RPRD2: variants seen among roughly 807,000 people sequenced by gnomAD.
The protein encoded by RPRD2 is regulation of nuclear pre-mRNA domain containing 2.
Under a neutral mutation model 104.4 loss-of-function variants are expected in RPRD2, and 12 were observed. That is an observed-to-expected ratio of 0.11 (90% CI 0.07 to 0.19). The LOEUF is 0.19. Ranked by LOEUF, RPRD2 falls within the 10% of genes least tolerant of loss-of-function variation. The pLI, the probability that RPRD2 is intolerant of heterozygous loss-of-function variation, is 1.00. For missense variants in RPRD2, 1,543 were observed against 1,790.1 expected, an observed-to-expected ratio of 0.86 and a Z score of 2.49; for synonymous variants, 714 against 684.9, an observed-to-expected ratio of 1.04 and a Z score of -0.66.
intron 2 of RPRD2, among the ~76,000 whole-genome samples, chr1:150,435,166 G>T (rs1427738475): frequency 6.6e-6 from 1 of 152,162 alleles, no homozygotes; most frequent in Non-Finnish European, 1.5e-5. Flanking sequence ...CTTCGTCCAT[G>T]TAAGACCGTG....
chr1:150,377,774 A>G (rs1660834433), intron 1 of RPRD2, among the ~76,000 whole-genome samples: 1 of 152,120 alleles, frequency 6.6e-6, no homozygotes, highest in Admixed American at 6.6e-5. Context: ...TCATACATGT[A>G]TTACCTATAA....
intron 1 of RPRD2, among the ~76,000 whole-genome samples, chr1:150,372,360 C>T (rs1660375600): frequency 6.6e-6 from 1 of 152,048 alleles, no homozygotes; most frequent in Non-Finnish European, 1.5e-5. Context: ...CTTGGTGGTG[C>T]ACACCTGTGG....
At chr1:150,374,432 A>T (rs1660552662) in intron 1 of RPRD2, among the ~76,000 whole-genome samples, 1 of 152,170 alleles carries the variant, frequency 6.6e-6, no homozygotes, top group African/African-American at 2.4e-5. Context: ...TGAGCTGCTC[A>T]AGCAAATTAA....
intron 7 of RPRD2, among the ~76,000 whole-genome samples, chr1:150,448,237 G>C (rs1037022096): frequency 6.6e-6 from 1 of 151,888 alleles, no homozygotes; most frequent in African/African-American, 2.4e-5. Flanking sequence ...GCGCACTCTT[G>C]GCCTCACTGC....
intron 1 of RPRD2, among the ~76,000 whole-genome samples, chr1:150,376,832 C>T (rs1219717899): frequency 6.7e-6 from 1 of 150,008 alleles, no homozygotes; most frequent in Non-Finnish European, 1.5e-5. Flanking sequence ...ATCTTTGTGT[C>T]TAGGAGGCAG....
chr1:150,376,900 A>C (rs1180072777), intron 1 of RPRD2, among the ~76,000 whole-genome samples: 2 of 151,772 alleles, frequency 1.3e-5, no homozygotes, highest in Non-Finnish European at 2.9e-5. Flanking sequence ...ATACAGAATG[A>C]GAAAATGAAC....
At chr1:150,407,929 G>A (rs971818575) in intron 1 of RPRD2, among the ~76,000 whole-genome samples, 1 of 151,776 alleles carries the variant, frequency 6.6e-6, no homozygotes, top group African/African-American at 2.4e-5. Context: ...TGTGTGTGGA[G>A]ACAGGACCTT....
intron 7 of RPRD2, among the ~76,000 whole-genome samples, chr1:150,448,029 CTG>C (rs1275980004): frequency 1.3e-5 from 2 of 152,156 alleles, no homozygotes; most frequent in African/African-American, 4.8e-5. Flanking sequence ...AATTAAAGGA[CTG>C]TATTTACTAT....
At chr1:150,365,211 A>G (rs1441908397) in intron 1 of RPRD2, among the ~76,000 whole-genome samples, 3 of 152,158 alleles carry the variant, frequency 2.0e-5, no homozygotes, top group African/African-American at 7.2e-5. Context: ...GAGCCTTGTA[A>G]GGTGTATTGA....
chr1:150,410,976 C>T (rs781940361), intron 1 of RPRD2, among the ~76,000 whole-genome samples: 8 of 152,184 alleles, frequency 5.3e-5, no homozygotes, highest in South Asian at 2.1e-4. Flanking sequence ...GATCCTCCCA[C>T]GTCAGCCTCT....
At chr1:150,468,048 A>G (rs1287344267) in intron 10 of RPRD2, among the ~76,000 whole-genome samples, 1 of 152,014 alleles carries the variant, frequency 6.6e-6, no homozygotes, top group African/African-American at 2.4e-5. Flanking sequence ...TGTAACCCCA[A>G]CTACTTGGGA....
intron 2 of RPRD2, among the ~76,000 whole-genome samples, chr1:150,440,344 A>C (rs1000421014): frequency 6.6e-6 from 1 of 152,222 alleles, no homozygotes; most frequent in African/African-American, 2.4e-5. Flanking sequence ...CTGGGATTAC[A>C]GGCGTGAGCC....
intron 1 of RPRD2, among the ~76,000 whole-genome samples, chr1:150,386,846 A>G (rs1443793386): frequency 6.6e-6 from 1 of 152,216 alleles, no homozygotes; most frequent in Non-Finnish European, 1.5e-5. Context: ...GATGGCTACA[A>G]AATTATTACA....
At chr1:150,427,483 A>AAAAAG (rs1205483659) in intron 2 of RPRD2, among the ~76,000 whole-genome samples, 1 of 151,344 alleles carries the variant, frequency 6.6e-6, no homozygotes, top group African/African-American at 2.4e-5. Flanking sequence ...AAAAAAAAAA[A>AAAAAG]AAAAGAAAAG....
chr1:150,388,565 T>C (rs1553882602), intron 1 of RPRD2, among the ~76,000 whole-genome samples: 1 of 151,430 alleles, frequency 6.6e-6, no homozygotes, highest in African/African-American at 2.4e-5. Context: ...GTTAACATCT[T>C]ACATTAGTAT....
chr1:150,433,439 A>ATTTTTTTTTTTT (rs58544799), intron 2 of RPRD2, among the ~76,000 whole-genome samples: 1 of 90,396 alleles, frequency 1.1e-5, no homozygotes, highest in Admixed American at 1.5e-4. Flanking sequence ...CACAGACATA[A>ATTTTTTTTTTTT]TTTTTTTTTT....
chr1:150,413,539 G>A (rs1347092818), intron 1 of RPRD2, among the ~76,000 whole-genome samples: 6 of 152,150 alleles, frequency 3.9e-5, no homozygotes, highest in African/African-American at 1.4e-4. Flanking sequence ...GGAGGCAGAG[G>A]TTGCGGTAAG....
chr1:150,464,629 A>AGT lies in RPRD2; in HGVS notation c.1514_1515insGT (p.Asn505LysfsTer70). 6.2e-7 allele frequency: 1 copy of AGT among 1,611,886 alleles called. No individual in the cohort carries two copies. The highest frequency in any genetic ancestry group is 8.5e-7 in the Non-Finnish European group (1 of 1,179,110). ...GCACCTGCCACGACAACATCTCACA[A>AGT]CCCTCTGGCAAATATCCTCTCCAAG... is the stretch of plus-strand genomic sequence containing the variant. On this transcript the variant is annotated frameshift_variant, in exon 10 of 11. Transcript: ENST00000369068. LOFTEE classifies it high-confidence loss of function.
intron 2 of RPRD2, among the ~76,000 whole-genome samples, chr1:150,434,793 G>A (rs1300940398): frequency 2.6e-5 from 4 of 152,076 alleles, no homozygotes; most frequent in Non-Finnish European, 4.4e-5. Flanking sequence ...CTCCAGTCTG[G>A]GTGACAGAGT....
Sources: allele counts gnomAD v4.1 joint callset (sites outside exome capture counted in the v4.1 genomes callset), GRCh38; gene constraint gnomAD v4.1.1; transcripts MANE v1.5; gene names NCBI Gene and HGNC (gene_info 2026-07-23, HGNC 2026-07-21).